NEDD1: variants seen among roughly 807,000 people sequenced by gnomAD.
NEDD1 encodes protein NEDD1.
In NEDD1, 33 loss-of-function variants were observed where a neutral mutation model predicts 74.0. That is an observed-to-expected ratio of 0.45 (90% CI 0.34 to 0.60). NEDD1 has a LOEUF of 0.60. NEDD1 is among the 20% of genes least tolerant of loss of function. NEDD1 has a pLI of 0.01. For synonymous variants in NEDD1, 250 were observed against 264.4 expected (o/e 0.95, Z 0.53); for missense variants, 746 against 776.5 (o/e 0.96, Z 0.47).
At chr12:96,948,184 C>T (rs900267705) in intron 14 of NEDD1, among the ~76,000 whole-genome samples, 1 of 152,106 alleles carries the variant, frequency 6.6e-6, no homozygotes, top group Non-Finnish European at 1.5e-5. Flanking sequence ...CCTAAGGTTT[C>T]ACCAGGCTCT....
At position 96,935,133 on chromosome 12, in the gene NEDD1, C is replaced by T. The variant is rs1876960787; in HGVS notation, c.647C>T (p.Pro216Leu). ...KAPASGICFS[P>L]VNELLFVTIG... The stretch of plus-strand genomic sequence containing the variant: ...CCAGCGTCAGGCATCTGTTTTTCTC[C>T]TGTCAATGAATTGCTCTTTGTAACC... Residue 216 changes from proline to leucine, a missense_variant, in exon 7 of 16, where the codon CCT becomes CTT. This residue lies in a region of NEDD1 where 706 missense variants were observed against 706.7 expected (regional missense o/e 1.00). Transcript: ENST00000266742. 4 of 1,613,464 alleles carry T rather than the reference C, an allele frequency of 2.5e-6. No homozygotes were observed. The highest frequency in any genetic ancestry group is 1.3e-5 in the African/African-American group (1 of 74,912).
chr12:96,942,649 C>A, intron 11 of NEDD1, 25 bp downstream of exon 11: 1 of 1,267,646 alleles, frequency 7.9e-7, no homozygotes, highest in Non-Finnish European at 1.1e-6. Flanking sequence ...GAAGTATTTT[C>A]GTGAAAATGA....
intron 3 of NEDD1, chr12:96,912,461 A>G (rs1310809290): frequency 1.1e-5 from 3 of 270,586 alleles, no homozygotes; most frequent in Non-Finnish European, 2.1e-5. Context: ...CTTTGAAAAC[A>G]GAGTAGTATT....
chr12:96,939,452 G>T (rs1483523809), intron 9 of NEDD1, among the ~76,000 whole-genome samples: 1 of 152,036 alleles, frequency 6.6e-6, no homozygotes, highest in African/African-American at 2.4e-5. Context: ...TTTATAGCAG[G>T]TGTTATTAGA....
chr12:96,928,412 ATT>A (rs1875949615), intron 6 of NEDD1, among the ~76,000 whole-genome samples: 1 of 151,970 alleles, frequency 6.6e-6, no homozygotes, highest in African/African-American at 2.4e-5. Flanking sequence ...CTGATTTTTG[ATT>A]CTTTTCTTTG....
intron 8 of NEDD1, among the ~76,000 whole-genome samples, 173 bp downstream of exon 8, chr12:96,936,985 CTT>C (rs964463757): frequency 6.0e-5 from 9 of 151,178 alleles, no homozygotes; most frequent in Non-Finnish European, 8.8e-5. Flanking sequence ...AGTTTTAAAA[CTT>C]TTTTTCTTTT....
intron 6 of NEDD1, among the ~76,000 whole-genome samples, chr12:96,926,217 A>G (rs1875673112): frequency 6.6e-6 from 1 of 152,182 alleles, no homozygotes; most frequent in African/African-American, 2.4e-5. Context: ...TGTTCCCTCC[A>G]AACCCAGTTG....
intron 6 of NEDD1, among the ~76,000 whole-genome samples, chr12:96,931,627 C>A (rs1249992903): frequency 6.6e-6 from 1 of 152,086 alleles, no homozygotes; most frequent in African/African-American, 2.4e-5. Context: ...AATCAGAGTA[C>A]TTGCAAATCA....
At chr12:96,933,355 A>G (rs929117489) in intron 6 of NEDD1, among the ~76,000 whole-genome samples, 48 of 152,192 alleles carry the variant, frequency 3.2e-4, no homozygotes, top group African/African-American at 1.0e-3. Context: ...TGCTGTAGAA[A>G]TCTTTTTAGA....
intron 6 of NEDD1, among the ~76,000 whole-genome samples, chr12:96,927,977 C>T (rs538330247): frequency 1.6e-4 from 25 of 152,216 alleles, no homozygotes; most frequent in Admixed American, 5.9e-4. Context: ...TATTGGTATA[C>T]ACTTGACTAG....
intron 10 of NEDD1, among the ~76,000 whole-genome samples, chr12:96,940,967 A>G (rs1877607643): frequency 6.6e-6 from 1 of 152,046 alleles, no homozygotes; most frequent in Non-Finnish European, 1.5e-5. Context: ...ATAAAAAGCA[A>G]ATTTGCCAGC....
chr12:96,926,255 T>C (rs1875677556), intron 6 of NEDD1, among the ~76,000 whole-genome samples: 1 of 152,246 alleles, frequency 6.6e-6, no homozygotes, highest in African/African-American at 2.4e-5. Context: ...TCATATTTTG[T>C]GTTTTAGACT....
At chr12:96,929,108 T>C (rs1306903884) in intron 6 of NEDD1, among the ~76,000 whole-genome samples, 2 of 151,936 alleles carry the variant, frequency 1.3e-5, no homozygotes, top group Non-Finnish European at 2.9e-5. Flanking sequence ...GCATTTTCTT[T>C]GCTTATCTTC....
intron 6 of NEDD1, among the ~76,000 whole-genome samples, chr12:96,927,633 T>C (rs1345523046): frequency 4.6e-5 from 7 of 152,254 alleles, no homozygotes; most frequent in Non-Finnish European, 1.5e-5. Context: ...CATTTCAGTA[T>C]ATGTTATTCA....
Position 96,952,286 on chromosome 12 carries a change from A to T in NEDD1, c.*233A>T. 3.7e-6 allele frequency: 1 copy of T among 267,514 alleles called. No individual in the cohort carries two copies. Among genetic ancestry groups the T allele is most frequent in the Non-Finnish European group, 6.9e-6 (1 of 144,576 alleles). 16.6% of individuals were successfully genotyped at this position (267,514 alleles called of 1,614,324 possible). A position where few individuals can be genotyped will look rare whatever the true frequency, so the allele number is the denominator to read the frequency against. ...CAATAGGAAAGTCAACAGGATCTTT[A>T]TTTTTTGAAAGCTTTAGCCATCCAC... On this transcript the variant is annotated 3_prime_UTR_variant, in exon 16 of 16. Transcript: ENST00000266742.
Position 96,936,695 on chromosome 12 carries a change from C to T in NEDD1, c.804C>T (p.Ser268=). 6.2e-7 allele frequency: 1 copy of T among 1,613,358 alleles called. No homozygotes were observed. The highest frequency in any genetic ancestry group is 8.5e-7 in the Non-Finnish European group (1 of 1,179,414). The change falls in exon 8 of 16, where the codon TCC becomes TCT. Residue 268 remains serine, a synonymous_variant. Transcript: ENST00000266742. The part of the protein sequence containing the change: ...PDGATLAIGS[S]RGKIYQYDLR... ...GAGCCACTTTGGCTATTGGATCTTCCCGGGGGAAAATATATCAATATGATT... is the reference window on the plus strand; with the variant it reads ...GAGCCACTTTGGCTATTGGATCTTCTCGGGGGAAAATATATCAATATGATT...
chr12:96,932,583 A>T, intron 6 of NEDD1, among the ~76,000 whole-genome samples: 1 of 145,188 alleles, frequency 6.9e-6, no homozygotes, highest in East Asian at 2.0e-4. Context: ...TTCTTAGCTA[A>T]TATCTTAATG....
At chr12:96,924,077 A>G (rs1239454364) in intron 6 of NEDD1, among the ~76,000 whole-genome samples, 1 of 152,134 alleles carries the variant, frequency 6.6e-6, no homozygotes, top group East Asian at 1.9e-4. Flanking sequence ...ATTGTGTGAA[A>G]GAGGGTCCTA....
At chr12:96,908,095 C>T (rs1720552036) in intron 2 of NEDD1, among the ~76,000 whole-genome samples, 1 of 152,154 alleles carries the variant, frequency 6.6e-6, no homozygotes, top group Admixed American at 6.5e-5. Flanking sequence ...TCCAGCAATT[C>T]ATTAGTTGTT....
Sources: allele counts gnomAD v4.1 joint callset (sites outside exome capture counted in the v4.1 genomes callset), GRCh38; gene constraint gnomAD v4.1.1; regional missense constraint gnomAD v4.1.1; transcripts MANE v1.5; gene names NCBI Gene and HGNC (gene_info 2026-07-23, HGNC 2026-07-21).